The following TGM5 variants were observed in gnomAD, a reference collection of about 807,000 sequenced individuals.
The protein encoded by TGM5 is protein-glutamine gamma-glutamyltransferase 5.
Under a neutral mutation model 77.2 loss-of-function variants are expected in TGM5, and 69 were observed. That is an observed-to-expected ratio of 0.89 (90% CI 0.74 to 1.09). The LOEUF (loss-of-function observed/expected upper bound fraction) is 1.09, where lower values mean the gene tolerates loss of function less well. Ranked by LOEUF, TGM5 falls within the 50% of genes least tolerant of loss-of-function variation. The pLI, the probability that TGM5 is intolerant of heterozygous loss-of-function variation, is 0.00. For missense variants in TGM5, 842 were observed against 896.5 expected (o/e 0.94, Z 0.78); for synonymous variants, 346 against 351.8 (o/e 0.98, Z 0.18).
chr15:43,261,320 A>G (rs1000750037), intron 1 of TGM5, among the ~76,000 whole-genome samples: 5 of 150,982 alleles, frequency 3.3e-5, no homozygotes, highest in African/African-American at 1.2e-4. Context: ...GGATCTCCTG[A>G]CCTCGTGATC....
At chr15:43,240,008 C>T (rs956105596) in intron 7 of TGM5, among the ~76,000 whole-genome samples, 6 of 152,152 alleles carry the variant, frequency 3.9e-5, no homozygotes, top group African/African-American at 7.2e-5. Flanking sequence ...CTCTCAGTCT[C>T]ATTTACCCCC....
intron 4 of TGM5, 37 bp downstream of exon 4, chr15:43,256,531 G>A (rs772716281): frequency 9.8e-6 from 15 of 1,529,180 alleles, no homozygotes; most frequent in Middle Eastern, 1.7e-4. Flanking sequence ...CCACAAGCTC[G>A]GGGCCGGGAT....
chr15:43,236,695 A>G (rs2042592769), intron 9 of TGM5, among the ~76,000 whole-genome samples: 1 of 152,106 alleles, frequency 6.6e-6, no homozygotes, highest in Admixed American at 6.5e-5. Context: ...GGCTGAGGGC[A>G]GTGGCTCACA....
At chr15:43,253,437 G>T in intron 5 of TGM5, 69 bp downstream of exon 5, 1 of 1,597,676 alleles carries the variant, frequency 6.3e-7, no homozygotes, top group Non-Finnish European at 8.5e-7. Context: ...CACTGCAGGG[G>T]GCAACTGTGA....
intron 4 of TGM5, 160 bp from the exon 5 acceptor site, chr15:43,253,794 G>T: frequency 1.0e-6 from 1 of 986,388 alleles, no homozygotes; most frequent in Non-Finnish European, 1.5e-6. Context: ...CAGGTGTGGG[G>T]TTTCAAAACT....
intron 1 of TGM5, among the ~76,000 whole-genome samples, chr15:43,262,415 CT>C (rs1265982935): frequency 1.3e-5 from 2 of 152,162 alleles, no homozygotes; most frequent in Non-Finnish European, 2.9e-5. Flanking sequence ...TGTATTTAGA[CT>C]TTTTCAAAGT....
chr15:43,259,417 G>A (rs772547886), intron 3 of TGM5, among the ~76,000 whole-genome samples: 19 of 150,378 alleles, frequency 1.3e-4, no homozygotes, highest in Non-Finnish European at 2.4e-4. Flanking sequence ...AGAATGCTCC[G>A]ATAGGAAAAT....
rs1019185236 is a variant in TGM5 at position 43,259,986 on chromosome 15, G to A, written c.436+66C>T. ...CCGGGAGCGGGGTCTAGAAACCCTT[G>A]AGCCTGTCTCTCTGGCAGCACTGAC... On this transcript the variant is annotated intron_variant, in intron 3 of 12. Transcript: ENST00000220420. 1.3e-5 allele frequency: 21 copies of A among 1,609,900 alleles called. No homozygotes were observed. The Admixed American group carries it at 3.5e-4, about 27-fold the overall frequency.
chr15:43,259,287 T>C (rs2042767245), intron 3 of TGM5, among the ~76,000 whole-genome samples: 1 of 151,852 alleles, frequency 6.6e-6, no homozygotes, highest in African/African-American at 2.4e-5. Flanking sequence ...AGATATTCAC[T>C]GTTACTTTGT....
chr15:43,260,070 A>T lies in TGM5; in HGVS notation c.418T>A (p.Phe140Ile). 1 of 1,613,912 alleles carries T rather than the reference A, an allele frequency of 6.2e-7. No homozygotes were observed. Among genetic ancestry groups the T allele is most frequent in the Non-Finnish European group, 8.5e-7 (1 of 1,180,032 alleles). ...GCCTTACCTGGGCACCAGGGATTGA[A>T]AAGCAGGATGAACTCCCCTAGCTGG... The part of the protein sequence containing the change: ...AYQLGEFILL[F>I]NPWCPEDAVY... The change falls in exon 3 of 13, where the codon TTC (phenylalanine) becomes ATC (isoleucine). Residue 140 changes from phenylalanine to isoleucine, a missense_variant. Physicochemically the swap from Phe to Ile is conservative, Grantham distance 21 (BLOSUM62 0). Transcript: ENST00000220420.
At position 43,260,517 on chromosome 15, in the gene TGM5, C is replaced by T; in HGVS notation, c.73G>A (p.Glu25Lys). 1 of 1,614,164 alleles carries T rather than the reference C, an allele frequency of 6.2e-7. No homozygotes were observed. Among genetic ancestry groups the T allele is most frequent in the South Asian group, 1.1e-5 (1 of 91,076 alleles). Residue 25 changes from glutamate (E) to lysine (K), a missense_variant, in exon 2 of 13, where the codon GAG becomes AAG. Physicochemically the swap from Glu to Lys is moderately conservative, Grantham distance 56. Transcript: ENST00000220420. ...SRNNVRHHTE[E>K]ITVDHLLVRR... ...ACAAGCAGGTGGTCCACAGTGATCT[C>T]CTCCGTGTGGTGCCGCACATTATTT...
intron 6 of TGM5, among the ~76,000 whole-genome samples, chr15:43,241,679 AT>A (rs369679849): frequency 6.6e-6 from 1 of 151,320 alleles, no homozygotes; most frequent in African/African-American, 2.4e-5. Context: ...TGTGCTTTTT[AT>A]TTTTTTTGAA....
At chr15:43,265,390 T>C (rs753184008) in intron 1 of TGM5, among the ~76,000 whole-genome samples, 1 of 152,232 alleles carries the variant, frequency 6.6e-6, no homozygotes, top group Non-Finnish European at 1.5e-5. Flanking sequence ...GACCAATTTA[T>C]TAGACAGCAC....
chr15:43,257,833 G>A (rs996055081), intron 3 of TGM5, among the ~76,000 whole-genome samples: 8 of 152,160 alleles, frequency 5.3e-5, no homozygotes, highest in African/African-American at 9.7e-5. Context: ...CAACCCAAAT[G>A]TCCATCAATG....
intron 6 of TGM5, among the ~76,000 whole-genome samples, chr15:43,242,190 C>T (rs919008088): frequency 2.6e-5 from 4 of 152,242 alleles, no homozygotes; most frequent in African/African-American, 9.6e-5. Context: ...CAAGGTCACA[C>T]AGCTAGTAAG....
intron 6 of TGM5, among the ~76,000 whole-genome samples, chr15:43,247,158 CA>C (rs763763932): frequency 4.4e-3 from 234 of 53,682 alleles, no homozygotes; most frequent in East Asian, 0.01. Context: ...GACTCTGTCT[CA>C]AAAAAAAAAA....
intron 6 of TGM5, among the ~76,000 whole-genome samples, chr15:43,249,580 C>G (rs1007248911): frequency 6.6e-6 from 1 of 152,108 alleles, no homozygotes. Flanking sequence ...CATCACTGTC[C>G]CCTCTGTACT....
chr15:43,250,344 G>T (rs1206977492), intron 6 of TGM5, among the ~76,000 whole-genome samples: 1 of 152,142 alleles, frequency 6.6e-6, no homozygotes, highest in Non-Finnish European at 1.5e-5. Flanking sequence ...TATGAGGTAG[G>T]TACCACTACT....
intron 3 of TGM5, among the ~76,000 whole-genome samples, chr15:43,257,032 C>T (rs751137710): frequency 1.2e-4 from 18 of 152,136 alleles, no homozygotes; most frequent in Non-Finnish European, 1.9e-4. Flanking sequence ...TGAACACAGC[C>T]GATTGATTCC....
Sources: gnomAD v4.1 joint callset for allele counts (sites outside exome capture counted in the v4.1 genomes callset) on GRCh38, gnomAD v4.1.1 for gene constraint, MANE v1.5 for transcripts, NCBI Gene and HGNC (gene_info 2026-07-23, HGNC 2026-07-21) for gene names.